THRB: variants seen among roughly 807,000 people sequenced by gnomAD.
The protein encoded by THRB is nuclear receptor subfamily 1 group A member 2.
A neutral mutation model predicts 47.8 loss-of-function variants in THRB; 12 were observed. The ratio of observed to expected loss-of-function variants is 0.25; its 90% CI spans 0.16 to 0.41. The LOEUF is 0.41. THRB is among the 10% of genes least tolerant of loss of function. THRB has a pLI of 1.00. For missense variants in THRB, 348 were observed against 589.2 expected (o/e 0.59, Z 4.24); for synonymous variants, 218 against 212.2 (o/e 1.03, Z -0.24).
At chr3:24,382,817 A>G (rs1363813548) in intron 1 of THRB, among the ~76,000 whole-genome samples, 2 of 152,010 alleles carry the variant, frequency 1.3e-5, no homozygotes, top group Non-Finnish European at 2.9e-5. Context: ...AACTGCCTTC[A>G]TTTTTCCCCT....
intron 3 of THRB, among the ~76,000 whole-genome samples, chr3:24,243,572 C>A (rs976425026): frequency 1.3e-5 from 2 of 152,118 alleles, no homozygotes; most frequent in African/African-American, 4.8e-5. Context: ...TCTCGGGATG[C>A]CTATTTGAAC....
intron 1 of THRB, among the ~76,000 whole-genome samples, chr3:24,444,830 T>C (rs2071906899): frequency 1.3e-5 from 2 of 152,156 alleles, no homozygotes; most frequent in Admixed American, 1.3e-4. Flanking sequence ...GTGATCCACC[T>C]TCCTCAGCGT....
At chr3:24,192,921 T>C (rs2043519107) in intron 4 of THRB, among the ~76,000 whole-genome samples, 1 of 152,194 alleles carries the variant, frequency 6.6e-6, no homozygotes, top group Non-Finnish European at 1.5e-5. Flanking sequence ...CTGGGAAACC[T>C]GGAGACTGAG....
At chr3:24,354,820 G>A (rs1388353987) in intron 1 of THRB, among the ~76,000 whole-genome samples, 3 of 152,090 alleles carry the variant, frequency 2.0e-5, no homozygotes, top group African/African-American at 7.2e-5. Flanking sequence ...ATCCTCCAAT[G>A]AGGAGCTCAC....
chr3:24,331,507 G>T (rs78054408), intron 2 of THRB, among the ~76,000 whole-genome samples: 2,298 of 152,022 alleles, frequency 0.015, 57 homozygotes, highest in African/African-American at 0.053. Context: ...CTGTAATTTA[G>T]CCTCTTTTTC....
chr3:24,155,832 G>T (rs1368041161), intron 5 of THRB, among the ~76,000 whole-genome samples: 1 of 152,150 alleles, frequency 6.6e-6, no homozygotes, highest in Non-Finnish European at 1.5e-5. Context: ...TGGAAGCTAC[G>T]ACTGTTCATG....
chr3:24,463,550 G>A (rs965786958), intron 1 of THRB, among the ~76,000 whole-genome samples: 2 of 152,050 alleles, frequency 1.3e-5, no homozygotes, highest in African/African-American at 2.4e-5. Context: ...GAGCCACCCC[G>A]TCCAGCCTAC....
At chr3:24,396,418 T>TGA (rs2066968060) in intron 1 of THRB, among the ~76,000 whole-genome samples, 1 of 152,060 alleles carries the variant, frequency 6.6e-6, no homozygotes, top group Admixed American at 6.6e-5. Flanking sequence ...AATGCCACAG[T>TGA]ATTCACTTCA....
chr3:24,456,316 C>T (rs913125409), intron 1 of THRB, among the ~76,000 whole-genome samples: 2 of 148,602 alleles, frequency 1.3e-5, no homozygotes, highest in African/African-American at 5.0e-5. Context: ...GTCTGGATGA[C>T]AGTGTGAGAC....
In THRB at chr3:24,406,061, T is replaced by A. The variant is rs562372320; in HGVS notation, c.-260-68690A>T. ...CTTTGATTTTTAAGTAGATACTATA[T>A]TAAATGCTTGACAGTTTTAATAGCT... On this transcript the variant is annotated intron_variant, in intron 1 of 10. Transcript: ENST00000646209. 5.9e-5 allele frequency among the ~76,000 whole-genome samples: 9 copies of A among 151,840 alleles called. No homozygotes were observed. In the East Asian group the frequency reaches 1.6e-3, roughly 26 times the overall value.
chr3:24,289,505 C>T (rs1044420089), intron 3 of THRB, among the ~76,000 whole-genome samples: 1 of 152,134 alleles, frequency 6.6e-6, no homozygotes, highest in Non-Finnish European at 1.5e-5. Flanking sequence ...TCCACTTACC[C>T]ATCTACCTAT....
At chr3:24,123,231 C>T (rs568721966) in intron 10 of THRB, 106 bp from the exon 11 acceptor site, 1 of 1,530,170 alleles carries the variant, frequency 6.5e-7, no homozygotes, top group African/African-American at 1.4e-5. Context: ...CTAGGGTCTT[C>T]CCTCTTAGCC....
rs1304467024 is a variant in THRB, at chr3:24,146,930, A to G, written c.385-108T>C. 3.0e-6 allele frequency: 3 copies of G among 984,086 alleles called. No individual in the cohort carries two copies. In the East Asian group the frequency reaches 7.3e-5, roughly 24 times the overall value. 61.0% of individuals were successfully genotyped at this position (984,086 alleles called of 1,614,324 possible). On this transcript the variant is annotated intron_variant, in intron 6 of 10. Coordinates refer to ENST00000646209, the MANE Select transcript of THRB (RefSeq NM_001354712.2). ...ATGAGATGAATCGTTTTGGACCTTA[A>G]CCTGTTTCTAGGCCTCTAGCTCCAC...
chr3:24,287,318 G>T (rs1348153249), intron 3 of THRB, among the ~76,000 whole-genome samples: 1 of 152,114 alleles, frequency 6.6e-6, no homozygotes, highest in Admixed American at 6.5e-5. Context: ...CTTCAATTTA[G>T]GTCTTGATTG....
intron 1 of THRB, among the ~76,000 whole-genome samples, chr3:24,424,261 T>TA (rs1272268159): frequency 1.3e-5 from 2 of 151,752 alleles, no homozygotes; most frequent in African/African-American, 4.8e-5. Context: ...AACAGGATTT[T>TA]AAAAAAATAC....
chr3:24,439,122 C>T (rs1439127682), intron 1 of THRB, among the ~76,000 whole-genome samples: 1 of 152,104 alleles, frequency 6.6e-6, no homozygotes, highest in Non-Finnish European at 1.5e-5. Flanking sequence ...GGTAACTGGT[C>T]AAGGGCTGTC....
intron 1 of THRB, among the ~76,000 whole-genome samples, chr3:24,356,232 T>C (rs2063663738): frequency 6.6e-6 from 1 of 152,120 alleles, no homozygotes; most frequent in South Asian, 2.1e-4. Context: ...GCTCTGCCCT[T>C]CTGGTCCACT....
chr3:24,338,740 C>T (rs1429043392), intron 1 of THRB, among the ~76,000 whole-genome samples: 1 of 152,212 alleles, frequency 6.6e-6, no homozygotes, highest in Non-Finnish European at 1.5e-5. Context: ...TGACTCCATG[C>T]AGTGGACACT....
chr3:24,271,311 T>C (rs1039832799), intron 3 of THRB, among the ~76,000 whole-genome samples: 17 of 152,208 alleles, frequency 1.1e-4, no homozygotes, highest in Non-Finnish European at 2.1e-4. Flanking sequence ...TTCTCTGTTC[T>C]ATCTCTCAGG....
Sources: gnomAD v4.1 joint callset for allele counts (sites outside exome capture counted in the v4.1 genomes callset) on GRCh38, gnomAD v4.1.1 for gene constraint, MANE v1.5 for transcripts, NCBI Gene and HGNC (gene_info 2026-07-23, HGNC 2026-07-21) for gene names.